The following AFF3 variants were observed in gnomAD, a reference collection of about 807,000 sequenced individuals.
The protein encoded by AFF3 is AF4/FMR2 family member 3.
AFF3 carries 32 observed loss-of-function variants against 129.7 expected under a neutral mutation model. The ratio of observed to expected loss-of-function variants is 0.25; its 90% confidence interval spans 0.19 to 0.33. AFF3 has a LOEUF of 0.33. Ranked by LOEUF, AFF3 falls within the 10% of genes least tolerant of loss-of-function variation. AFF3 has a pLI of 1.00. For synonymous variants in AFF3, 644 were observed against 635.4 expected (o/e 1.01, Z -0.20); for missense variants, 1,373 against 1,592.0 (o/e 0.86, Z 2.34).
chr2:99,765,157 C>T (rs1682906079), intron 8 of AFF3, among the ~76,000 whole-genome samples: 1 of 152,142 alleles, frequency 6.6e-6, no homozygotes, highest in Non-Finnish European at 1.5e-5. Flanking sequence ...GCACAAACAC[C>T]CAGAAGTGAG....
chr2:99,969,502 T>TA (rs1559020644), intron 7 of AFF3, among the ~76,000 whole-genome samples: 1 of 151,914 alleles, frequency 6.6e-6, no homozygotes. Flanking sequence ...TTTATTTATT[T>TA]TTTGAGACAG....
At chr2:100,022,479 C>T (rs1316902893) in intron 4 of AFF3, among the ~76,000 whole-genome samples, 12 of 151,552 alleles carry the variant, frequency 7.9e-5, no homozygotes, top group East Asian at 7.8e-4. Context: ...GGTGTGATCT[C>T]GGCTCACTGT....
chr2:99,808,679 CAAG>C (rs1376214897), intron 8 of AFF3, among the ~76,000 whole-genome samples: 1 of 151,268 alleles, frequency 6.6e-6, no homozygotes, highest in Non-Finnish European at 1.5e-5. Context: ...GAAAAAAAAA[CAAG>C]AAAGTAGACA....
chr2:99,607,752 C>T (rs1377292897), intron 13 of AFF3, among the ~76,000 whole-genome samples: 1 of 152,224 alleles, frequency 6.6e-6, no homozygotes, highest in African/African-American at 2.4e-5. Flanking sequence ...GGGCACTCCA[C>T]TGGGATTGAC....
intron 4 of AFF3, among the ~76,000 whole-genome samples, chr2:100,019,392 C>T (rs533291996): frequency 5.3e-5 from 8 of 152,224 alleles, no homozygotes; most frequent in Middle Eastern, 3.4e-3. Flanking sequence ...TAAATGGAAC[C>T]GACTTTTCAA....
chr2:100,017,931 G>C (rs1422301345), intron 4 of AFF3, among the ~76,000 whole-genome samples: 1 of 152,066 alleles, frequency 6.6e-6, no homozygotes, highest in Admixed American at 6.6e-5. Context: ...GTTAGTAAAT[G>C]CTAGGCAAAA....
At chr2:99,783,332 C>T (rs570385939) in intron 8 of AFF3, among the ~76,000 whole-genome samples, 16 of 152,272 alleles carry the variant, frequency 1.1e-4, no homozygotes, top group African/African-American at 3.9e-4. Flanking sequence ...CTAGAGCCTG[C>T]CTATCCCAAG....
At chr2:100,061,399 G>C (rs897862760) in intron 4 of AFF3, among the ~76,000 whole-genome samples, 12 of 152,022 alleles carry the variant, frequency 7.9e-5, no homozygotes, top group African/African-American at 2.9e-4. Context: ...TGGCTGTAAT[G>C]GCTTCCTGAT....
At chr2:99,773,177 C>A (rs1206433880) in intron 8 of AFF3, among the ~76,000 whole-genome samples, 2 of 152,190 alleles carry the variant, frequency 1.3e-5, no homozygotes, top group Admixed American at 1.3e-4. Flanking sequence ...TAAATGTCTA[C>A]AGTGTTAATA....
intron 4 of AFF3, among the ~76,000 whole-genome samples, chr2:100,095,250 C>T (rs949587949): frequency 1.3e-5 from 2 of 152,012 alleles, no homozygotes; most frequent in African/African-American, 4.8e-5. Flanking sequence ...TAATCAAATA[C>T]TTGCTTATCT....
chr2:99,882,719 C>T (rs1241488187), intron 7 of AFF3, among the ~76,000 whole-genome samples: 1 of 152,192 alleles, frequency 6.6e-6, no homozygotes, highest in Admixed American at 6.5e-5. Flanking sequence ...GGAGAATTTT[C>T]TTTTTAATGT....
intron 4 of AFF3, among the ~76,000 whole-genome samples, chr2:100,084,211 C>A (rs1689251988): frequency 6.6e-6 from 1 of 152,248 alleles, no homozygotes; most frequent in Non-Finnish European, 1.5e-5. Context: ...TCGGCGACCA[C>A]ATGCTATGTG....
rs1691463910 is a variant in AFF3 at position 99,867,003 on chromosome 2, A to AAAT, written c.874-29480_874-29479insATT. ...ATAATAATAATAATAATAATAATAA[A>AAAT]AAATAAATAAAATAAAAATAAAAAA... On this transcript the variant is annotated intron_variant, in intron 7 of 24. Coordinates refer to ENST00000672756, the MANE Select transcript of AFF3 (RefSeq NM_001386135.1). Among the ~76,000 whole-genome samples, 154 of 99,116 alleles carry AAAT rather than the reference A, an allele frequency of 1.6e-3. 2 individuals carry two copies. The highest frequency in any genetic ancestry group is 0.012 in the Middle Eastern group (2 of 166). The allele number at this position is 99,116 out of a possible 152,430, so 65.0% of individuals were successfully genotyped here. A position where few individuals can be genotyped will look rare whatever the true frequency, so the allele number is the denominator to read the frequency against.
chr2:99,550,568 C>T lies in AFF3; in HGVS notation c.*906G>A, dbSNP rs1674336476. 1 of 232,704 alleles carries T rather than the reference C, an allele frequency of 4.3e-6. No homozygotes were observed. The highest frequency in any genetic ancestry group is 8.5e-6 in the Non-Finnish European group (1 of 117,766). The allele number at this position is 232,704 out of a possible 1,614,324, so 14.4% of individuals were successfully genotyped here. A position where few individuals can be genotyped will look rare whatever the true frequency, so the allele number is the denominator to read the frequency against. Reference sequence around the variant, plus strand: ...ATTGGCTGACAAATGCCATGTGGCTCTACAGCCACCGAGTCACAGTGGCAG... The same window carrying T: ...ATTGGCTGACAAATGCCATGTGGCTTTACAGCCACCGAGTCACAGTGGCAG... On this transcript the variant is annotated 3_prime_UTR_variant, in exon 25 of 25. Coordinates refer to ENST00000672756, the MANE Select transcript of AFF3 (RefSeq NM_001386135.1).
intron 7 of AFF3, among the ~76,000 whole-genome samples, chr2:99,960,057 G>T (rs1677071600): frequency 6.6e-6 from 1 of 152,040 alleles, no homozygotes; most frequent in African/African-American, 2.4e-5. Flanking sequence ...ATATTTTGTT[G>T]TTGAATAAGG....
chr2:100,040,798 A>C (rs1023997954), intron 4 of AFF3, among the ~76,000 whole-genome samples: 2 of 152,260 alleles, frequency 1.3e-5, no homozygotes, highest in Admixed American at 1.3e-4. Flanking sequence ...GACTGGCTGG[A>C]AAGTCATGCT....
At chr2:99,694,188 G>A (rs540910101) in intron 11 of AFF3, among the ~76,000 whole-genome samples, 29 of 151,634 alleles carry the variant, frequency 1.9e-4, no homozygotes, top group Non-Finnish European at 3.4e-4. Context: ...GTGAGCCACC[G>A]CGTCTGGCCT....
intron 7 of AFF3, among the ~76,000 whole-genome samples, chr2:99,961,868 G>C (rs1677247478): frequency 6.6e-6 from 1 of 152,170 alleles, no homozygotes; most frequent in African/African-American, 2.4e-5. Context: ...ACAAAACCAG[G>C]AGGGGTGGAA....
At chr2:99,832,007 A>C (rs1395465054) in intron 8 of AFF3, among the ~76,000 whole-genome samples, 1 of 152,362 alleles carries the variant, frequency 6.6e-6, no homozygotes, top group South Asian at 2.1e-4. Flanking sequence ...AAAGGTACTG[A>C]GTACATCTAC....
Sources: allele counts gnomAD v4.1 joint callset (sites outside exome capture counted in the v4.1 genomes callset), GRCh38; gene constraint gnomAD v4.1.1; transcripts MANE v1.5; gene names NCBI Gene and HGNC (gene_info 2026-07-23, HGNC 2026-07-21).